The following EYS variants were observed in gnomAD, a reference collection of about 807,000 sequenced individuals.
EYS encodes EGF-like photoreceptor maintenance factor.
In EYS, 250 loss-of-function variants were observed where a neutral mutation model predicts 282.1. The observed-to-expected ratio is 0.89, with a 90% CI of 0.80 to 0.98. The LOEUF (loss-of-function observed/expected upper bound fraction) is 0.98, where lower values mean the gene tolerates loss of function less well. EYS is among the 50% of genes least tolerant of loss of function. The probability of loss-of-function intolerance (pLI) is 0.00; values close to 1 mark genes in which losing one functional copy is unlikely to be tolerated. For missense variants in EYS, 4,016 were observed against 3,709.0 expected (o/e 1.08, Z -2.15); for synonymous variants, 1,355 against 1,282.9 (o/e 1.06, Z -1.20).
At chr6:64,869,630 A>G (rs1283031652) in intron 19 of EYS, among the ~76,000 whole-genome samples, 1 of 151,646 alleles carries the variant, frequency 6.6e-6, no homozygotes, top group African/African-American at 2.4e-5. Context: ...AACATGATGA[A>G]CAAAATCTCC....
At chr6:64,506,800 T>C (rs139415393) in intron 26 of EYS, among the ~76,000 whole-genome samples, 3,608 of 150,410 alleles carry the variant, frequency 0.024, 139 homozygotes, top group African/African-American at 0.085. Flanking sequence ...TCCCAGCTAC[T>C]GGGGAGGCTG....
At chr6:64,652,442 T>C (rs1325856429) in intron 22 of EYS, among the ~76,000 whole-genome samples, 3 of 152,232 alleles carry the variant, frequency 2.0e-5, no homozygotes, top group East Asian at 1.9e-4. Context: ...ATTTTCTACC[T>C]GACAAAAAAT....
intron 35 of EYS, among the ~76,000 whole-genome samples, chr6:63,966,679 T>G (rs1766326438): frequency 6.6e-6 from 1 of 152,206 alleles, no homozygotes. Flanking sequence ...GTGGATCGTT[T>G]AACCTCTCTG....
At chr6:64,178,113 T>C (rs1484238285) in intron 31 of EYS, among the ~76,000 whole-genome samples, 1 of 152,066 alleles carries the variant, frequency 6.6e-6, no homozygotes, top group Admixed American at 6.6e-5. Context: ...CGATACAGGT[T>C]ATTAGTTTTC....
intron 7 of EYS, among the ~76,000 whole-genome samples, chr6:65,394,938 A>G (rs1766219335): frequency 6.6e-6 from 1 of 152,136 alleles, no homozygotes; most frequent in East Asian, 1.9e-4. Flanking sequence ...CCATCAAACC[A>G]TGCTACCCAT....
chr6:64,963,472 C>A (rs77233219), intron 14 of EYS, among the ~76,000 whole-genome samples: 7 of 152,054 alleles, frequency 4.6e-5, no homozygotes, highest in African/African-American at 2.4e-5. Context: ...GATAATCCAA[C>A]GACTTGAATA....
At chr6:65,130,850 A>C (rs1358522421) in intron 12 of EYS, among the ~76,000 whole-genome samples, 2 of 151,624 alleles carry the variant, frequency 1.3e-5, no homozygotes, top group Non-Finnish European at 2.9e-5. Flanking sequence ...AAAAAAAATA[A>C]TTAATAAGTT....
At chr6:64,528,359 A>G (rs1284008446) in intron 26 of EYS, among the ~76,000 whole-genome samples, 1 of 151,720 alleles carries the variant, frequency 6.6e-6, no homozygotes. Context: ...ATCTCTTATT[A>G]CATAGTCTCC....
At chr6:63,738,443 T>C (rs1379758556) in intron 41 of EYS, among the ~76,000 whole-genome samples, 4 of 151,918 alleles carry the variant, frequency 2.6e-5, no homozygotes, top group African/African-American at 4.8e-5. Flanking sequence ...TGTAGGGACA[T>C]GGATGAAATT....
intron 18 of EYS, among the ~76,000 whole-genome samples, chr6:64,893,397 T>C (rs1466274335): frequency 1.3e-5 from 2 of 152,086 alleles, no homozygotes; most frequent in Non-Finnish European, 2.9e-5. Context: ...TAGTAACTAC[T>C]GTTTTTAATA....
chr6:64,750,126 G>C (rs991725356), intron 22 of EYS, among the ~76,000 whole-genome samples: 1 of 151,736 alleles, frequency 6.6e-6, no homozygotes, highest in Non-Finnish European at 1.5e-5. Context: ...TTACAAAAAG[G>C]TTCCAAAGTA....
intron 2 of EYS, among the ~76,000 whole-genome samples, chr6:65,541,456 A>T (rs1219590228): frequency 6.6e-6 from 1 of 152,200 alleles, no homozygotes; most frequent in Non-Finnish European, 1.5e-5. Context: ...GTTTAAACTG[A>T]ATTTGGAGGT....
intron 26 of EYS, among the ~76,000 whole-genome samples, chr6:64,469,808 C>G (rs1030816493): frequency 6.6e-6 from 1 of 152,122 alleles, no homozygotes; most frequent in Admixed American, 6.5e-5. Flanking sequence ...GAGGCCTAAC[C>G]GTCTCCCTGT....
intron 22 of EYS, among the ~76,000 whole-genome samples, chr6:64,643,639 C>A (rs1230838600): frequency 6.6e-6 from 1 of 152,178 alleles, no homozygotes; most frequent in African/African-American, 2.4e-5. Flanking sequence ...CCACAATTCA[C>A]ACATGTCATG....
At chr6:64,627,060 C>T (rs1425652534) in intron 22 of EYS, among the ~76,000 whole-genome samples, 1 of 152,266 alleles carries the variant, frequency 6.6e-6, no homozygotes, top group Non-Finnish European at 1.5e-5. Context: ...AGCTGTTAAA[C>T]CATGCTTCAA....
chr6:64,104,747 C>CTTTTTT (rs11374423), intron 31 of EYS, among the ~76,000 whole-genome samples: 1 of 133,612 alleles, frequency 7.5e-6, no homozygotes, highest in South Asian at 2.4e-4. Context: ...TTCTGGCAAG[C>CTTTTTT]TTTTTTTTTT....
chr6:65,115,232 A>T (rs921760316), intron 12 of EYS, among the ~76,000 whole-genome samples: 1 of 152,104 alleles, frequency 6.6e-6, no homozygotes, highest in Non-Finnish European at 1.5e-5. Flanking sequence ...ATTTCTATCA[A>T]ATATAAAAAC....
At chr6:63,978,840 G>A (rs1204148397) in intron 35 of EYS, among the ~76,000 whole-genome samples, 5 of 151,712 alleles carry the variant, frequency 3.3e-5, no homozygotes, top group Admixed American at 6.6e-5. Context: ...GAAAACCTCA[G>A]TAATCACAAA....
chr6:64,526,756 A>G (rs1332363522), intron 26 of EYS, among the ~76,000 whole-genome samples: 1 of 151,812 alleles, frequency 6.6e-6, no homozygotes, highest in Non-Finnish European at 1.5e-5. Flanking sequence ...TAGGTTTCTA[A>G]ATCAATTGAA....
Sources: allele counts gnomAD v4.1 joint callset (sites outside exome capture counted in the v4.1 genomes callset), GRCh38; gene constraint gnomAD v4.1.1; transcripts MANE v1.5; gene names NCBI Gene and HGNC (gene_info 2026-07-23, HGNC 2026-07-21).